The following FAM135A variants were observed in gnomAD, a reference collection of about 807,000 sequenced individuals.
The protein encoded by FAM135A is protein FAM135A.
FAM135A carries 79 observed loss-of-function variants against 146.8 expected under a neutral mutation model. The observed-to-expected ratio is 0.54, with a 90% confidence interval of 0.45 to 0.65. The LOEUF (loss-of-function observed/expected upper bound fraction) is 0.65. Ranked by LOEUF, FAM135A falls within the 30% of genes least tolerant of loss-of-function variation. The pLI, the probability that FAM135A is intolerant of heterozygous loss-of-function variation, is 0.00. For missense variants in FAM135A, 1,623 were observed against 1,758.2 expected (o/e 0.92, Z 1.38); for synonymous variants, 562 against 603.6 (o/e 0.93, Z 1.01).
chr6:70,472,097 AAGAG>A (rs1057124281), intron 5 of FAM135A, among the ~76,000 whole-genome samples: 1 of 152,154 alleles, frequency 6.6e-6, no homozygotes, highest in African/African-American at 2.4e-5. Context: ...AGGAGAGACA[AAGAG>A]TGTCTCAAAG....
intron 20 of FAM135A, among the ~76,000 whole-genome samples, chr6:70,547,424 T>G (rs993861814): frequency 1.3e-5 from 2 of 152,324 alleles, no homozygotes; most frequent in South Asian, 2.1e-4. Flanking sequence ...TTCAGCACTA[T>G]TGATATTCTG....
intron 20 of FAM135A, among the ~76,000 whole-genome samples, chr6:70,552,412 C>T (rs1182711270): frequency 3.5e-5 from 5 of 141,378 alleles, no homozygotes; most frequent in Non-Finnish European, 6.2e-5. Flanking sequence ...GCAGGAGCGG[C>T]GGGGCGAGGG....
intron 12 of FAM135A, among the ~76,000 whole-genome samples, chr6:70,517,867 A>C (rs571898097): frequency 6.6e-6 from 1 of 152,266 alleles, no homozygotes; most frequent in South Asian, 2.1e-4. Context: ...TGACTGTTTC[A>C]CCAACTAGCA....
chr6:70,512,545 T>C (rs1008981411), intron 12 of FAM135A, among the ~76,000 whole-genome samples: 1 of 151,864 alleles, frequency 6.6e-6, no homozygotes, highest in African/African-American at 2.4e-5. Flanking sequence ...CTTTAACTAC[T>C]ATAGTAGGGG....
At chr6:70,521,256 G>A (rs545863735) in intron 12 of FAM135A, among the ~76,000 whole-genome samples, 166 of 152,296 alleles carry the variant, frequency 1.1e-3, no homozygotes, top group Non-Finnish European at 2.0e-3. Flanking sequence ...AGAAGGAAAA[G>A]CAGCTAGCGC....
intron 16 of FAM135A, among the ~76,000 whole-genome samples, chr6:70,529,810 C>A (rs887423628): frequency 1.3e-5 from 2 of 152,112 alleles, no homozygotes; most frequent in African/African-American, 4.8e-5. Flanking sequence ...CACCTGTAAT[C>A]CCAGCACTTT....
chr6:70,419,820 A>G (rs990019608), intron 2 of FAM135A, among the ~76,000 whole-genome samples: 2 of 152,170 alleles, frequency 1.3e-5, no homozygotes, highest in African/African-American at 2.4e-5. Context: ...TTTTTGTACA[A>G]TATGGCCCCT....
chr6:70,413,903 C>G, intron 1 of FAM135A: 1 of 985,374 alleles, frequency 1.0e-6, no homozygotes, highest in Non-Finnish European at 1.2e-6. Flanking sequence ...CGGTGCGGAG[C>G]GCTCTGAGGG....
At chr6:70,530,356 AAACTTAT>A (rs1298159598) in intron 16 of FAM135A, among the ~76,000 whole-genome samples, 2 of 152,160 alleles carry the variant, frequency 1.3e-5, no homozygotes, top group Non-Finnish European at 2.9e-5. Context: ...AGCCTATAGA[AAACTTAT>A]AGTTTTTGGT....
At chr6:70,551,445 C>A (rs890269014) in intron 20 of FAM135A, among the ~76,000 whole-genome samples, 1 of 151,988 alleles carries the variant, frequency 6.6e-6, no homozygotes, top group African/African-American at 2.4e-5. Flanking sequence ...CCTATTTCTA[C>A]AAAAAATAAC....
chr6:70,519,390 T>G (rs1793035967), intron 12 of FAM135A, among the ~76,000 whole-genome samples: 2 of 152,210 alleles, frequency 1.3e-5, no homozygotes, highest in Non-Finnish European at 2.9e-5. Context: ...TAACAAAAGA[T>G]TTGGAATATT....
At position 70,538,290 on chromosome 6, in the gene FAM135A, G is replaced by T; in HGVS notation, c.4118-1G>T. The T allele has an allele frequency of 6.8e-7, 1 of 1,479,464 alleles. No individual in the cohort carries two copies. 91.6% of individuals were successfully genotyped at this position (1,479,464 alleles called of 1,614,324 possible). On this transcript the variant is annotated splice_acceptor_variant, in intron 19 of 21. Coordinates refer to ENST00000418814, the MANE Select transcript of FAM135A (RefSeq NM_001162529.3). LOFTEE classifies it high-confidence loss of function. ...CTTCTATATCATATATGACTCTCTA[G>T]GTCTCTGGTTTATGCAGAAATGGAA...
rs762274544 is a variant in FAM135A, at chr6:70,538,361, C to A, written c.4188C>A (p.Asp1396Glu). The change falls in exon 20 of 22, where the codon GAC (aspartate) becomes GAA (glutamate). Residue 1396 changes from aspartate to glutamate, a missense_variant. Transcript: ENST00000418814. ...LLQLTCRDHSDPRQTFLYKLS... is the reference protein window; with the variant it reads ...LLQLTCRDHSEPRQTFLYKLS... The stretch of plus-strand genomic sequence containing the variant: ...AGCTGACATGTCGAGATCACTCAGA[C>A]CCTCGCCAAACTTTTTTATATAAGC... 12 of 1,516,234 alleles carry A rather than the reference C, an allele frequency of 7.9e-6. No individual in the cohort carries two copies. Among genetic ancestry groups the A allele is most frequent in the Non-Finnish European group, 1.1e-5 (12 of 1,125,468 alleles). The allele number at this position is 1,516,234 out of a possible 1,614,324, so 93.9% of individuals were successfully genotyped here. A position where few individuals can be genotyped will look rare whatever the true frequency, so the allele number is the denominator to read the frequency against.
chr6:70,559,707 G>A lies in FAM135A; in HGVS notation c.4343-9G>A. On this transcript the variant is annotated splice_polypyrimidine_tract_variant and intron_variant, in intron 21 of 21. Transcript: ENST00000418814. ...GAACTAATTTTCCTTTTTTCTGTTG[G>A]TTCCATAGGACAGATCTATTCAGAA... 6.3e-7 allele frequency: 1 copy of A among 1,583,846 alleles called. No individual in the cohort carries two copies. Among genetic ancestry groups the A allele is most frequent in the Admixed American group, 1.8e-5 (1 of 56,846 alleles).
chr6:70,437,985 C>G (rs1345741190), intron 4 of FAM135A, among the ~76,000 whole-genome samples: 1 of 151,904 alleles, frequency 6.6e-6, no homozygotes, highest in Non-Finnish European at 1.5e-5. Flanking sequence ...ACCATATATT[C>G]ATTTTTTCGA....
chr6:70,413,887 G>C, intron 1 of FAM135A, 185 bp downstream of exon 1: 1 of 985,370 alleles, frequency 1.0e-6, no homozygotes, highest in Non-Finnish European at 1.2e-6. Context: ...AGGTCGGTGG[G>C]GACGGCGGTG....
chr6:70,536,330 C>T lies in FAM135A; in HGVS notation c.4036C>T (p.Leu1346Phe). The change falls in exon 19 of 22, where the codon CTC becomes TTC. Residue 1346 changes from leucine (L) to phenylalanine (F), a missense_variant. Transcript: ENST00000418814. ...TACAAGGCCAAGGTTTAAATATTAC[C>T]TCAACAAACTTCATACCTTTCTGTC... ...VLTRPRFKYYLNKLHTFLSLS... is the reference protein window; with the variant it reads ...VLTRPRFKYYFNKLHTFLSLS... 4.3e-6 allele frequency: 7 copies of T among 1,613,260 alleles called. No homozygotes were observed. The highest frequency in any genetic ancestry group is 4.5e-5 in the East Asian group (2 of 44,714).
At chr6:70,473,254 C>T (rs541979436) in intron 5 of FAM135A, among the ~76,000 whole-genome samples, 3 of 152,254 alleles carry the variant, frequency 2.0e-5, no homozygotes, top group Admixed American at 6.5e-5. Context: ...TTTGTCTGTG[C>T]GCCAGCTTTG....
At chr6:70,425,561 G>T (rs1769885011) in intron 2 of FAM135A, among the ~76,000 whole-genome samples, 1 of 152,136 alleles carries the variant, frequency 6.6e-6, no homozygotes, top group South Asian at 2.1e-4. Flanking sequence ...AGTGAACGTG[G>T]TCTTTATTCC....
Sources: allele counts gnomAD v4.1 joint callset (sites outside exome capture counted in the v4.1 genomes callset), GRCh38; gene constraint gnomAD v4.1.1; transcripts MANE v1.5; gene names NCBI Gene and HGNC (gene_info 2026-07-23, HGNC 2026-07-21).